FRAS1: variants seen among roughly 807,000 people sequenced by gnomAD.
FRAS1 encodes extracellular matrix organizing protein FRAS1.
FRAS1 carries 290 observed loss-of-function variants against 435.2 expected under a neutral mutation model. The ratio of observed to expected loss-of-function variants is 0.67; its 90% CI spans 0.61 to 0.73. The LOEUF is 0.73. Ranked by LOEUF, FRAS1 falls within the 30% of genes least tolerant of loss-of-function variation. FRAS1 has a pLI of 0.00. For missense variants in FRAS1, 4,860 were observed against 5,001.5 expected (o/e 0.97, Z 0.85); for synonymous variants, 1,800 against 1,851.0 (o/e 0.97, Z 0.71).
chr4:78,368,154 G>A (rs1196770844), intron 22 of FRAS1, among the ~76,000 whole-genome samples: 1 of 148,410 alleles, frequency 6.7e-6, no homozygotes, highest in African/African-American at 2.6e-5. Context: ...CAAAAAAAAA[G>A]GGATAAAAAT....
rs564212960 is a variant in FRAS1, at chr4:78,260,714, A to G, written c.604-4311A>G. Among the ~76,000 whole-genome samples the G allele has an allele frequency of 2.2e-3, 331 of 152,120 alleles. 3 individuals are homozygous for G. Among genetic ancestry groups the G allele is most frequent in the East Asian group, 4.4e-3 (23 of 5,180 alleles). On this transcript the variant is annotated intron_variant, in intron 6 of 73. Coordinates refer to ENST00000512123, the MANE Select transcript of FRAS1 (RefSeq NM_025074.7). ...CTTTATTTCCTTCTCCTGCCTAATT[A>G]CCCTGGCCAGAACTTCCAACACTAT...
At chr4:78,457,985 G>A (rs1409287473) in intron 47 of FRAS1, among the ~76,000 whole-genome samples, 2 of 152,174 alleles carry the variant, frequency 1.3e-5, no homozygotes, top group Non-Finnish European at 1.5e-5. Context: ...TGGAGGGACA[G>A]CATCATGACA....
At chr4:78,346,468 C>T (rs1730608303) in intron 20 of FRAS1, among the ~76,000 whole-genome samples, 1 of 152,120 alleles carries the variant, frequency 6.6e-6, no homozygotes, top group South Asian at 2.1e-4. Flanking sequence ...GCTCTGAATC[C>T]AAGGAGCGCA....
chr4:78,472,418 C>G, intron 52 of FRAS1, 88 bp downstream of exon 52: 1 of 1,220,202 alleles, frequency 8.2e-7, no homozygotes, highest in Non-Finnish European at 1.1e-6. Context: ...CAGCCACTTC[C>G]AGCTACTTAT....
chr4:78,088,979 C>T (rs567317573), intron 2 of FRAS1, among the ~76,000 whole-genome samples: 5 of 152,040 alleles, frequency 3.3e-5, no homozygotes, highest in African/African-American at 9.7e-5. Context: ...CACATGCACA[C>T]GTATGTTTAT....
intron 2 of FRAS1, among the ~76,000 whole-genome samples, chr4:78,174,046 C>T (rs1049134908): frequency 2.0e-5 from 3 of 152,202 alleles, no homozygotes; most frequent in East Asian, 1.9e-4. Flanking sequence ...TCTCCTCTGT[C>T]TCCCGTGTTT....
At chr4:78,266,000 A>G (rs1578215521) in intron 7 of FRAS1, among the ~76,000 whole-genome samples, 1 of 152,188 alleles carries the variant, frequency 6.6e-6, no homozygotes, top group Non-Finnish European at 1.5e-5. Flanking sequence ...TTATATTTTT[A>G]TTGGACAGGA....
At chr4:78,134,481 A>G (rs1457081995) in intron 2 of FRAS1, among the ~76,000 whole-genome samples, 2 of 152,274 alleles carry the variant, frequency 1.3e-5, no homozygotes, top group Admixed American at 1.3e-4. Context: ...TGGTTTCTGG[A>G]AAGTCATTGA....
At chr4:78,261,839 C>G (rs1192319062) in intron 6 of FRAS1, among the ~76,000 whole-genome samples, 1 of 152,136 alleles carries the variant, frequency 6.6e-6, no homozygotes, top group Non-Finnish European at 1.5e-5. Flanking sequence ...TCACATAAAA[C>G]TTAAATAAGT....
chr4:78,293,612 G>A (rs1177875193), intron 14 of FRAS1, among the ~76,000 whole-genome samples: 5 of 152,128 alleles, frequency 3.3e-5, no homozygotes, highest in Admixed American at 6.5e-5. Flanking sequence ...AACTTGGGTC[G>A]TGTCCATGGA....
intron 2 of FRAS1, among the ~76,000 whole-genome samples, chr4:78,199,129 C>A (rs1358905629): frequency 6.6e-6 from 1 of 152,144 alleles, no homozygotes; most frequent in African/African-American, 2.4e-5. Flanking sequence ...TTATGTTCCC[C>A]ACCTCCTGTC....
intron 2 of FRAS1, among the ~76,000 whole-genome samples, chr4:78,185,865 C>G (rs1259478527): frequency 6.6e-6 from 1 of 152,164 alleles, no homozygotes; most frequent in Non-Finnish European, 1.5e-5. Flanking sequence ...ATGTTTCAAT[C>G]AAGGCTTAAT....
chr4:78,289,606 C>T (rs1204589459), intron 14 of FRAS1, among the ~76,000 whole-genome samples: 1 of 152,166 alleles, frequency 6.6e-6, no homozygotes, highest in East Asian at 1.9e-4. Context: ...TCTGCTTTAA[C>T]CCCTATGTGT....
At chr4:78,153,943 TA>T (rs1720775364) in intron 2 of FRAS1, among the ~76,000 whole-genome samples, 1 of 152,190 alleles carries the variant, frequency 6.6e-6, no homozygotes, top group Admixed American at 6.5e-5. Context: ...CCCAACTAGA[TA>T]AAATTCTTTA....
chr4:78,308,265 C>CTTG, intron 15 of FRAS1, 56 bp downstream of exon 15: 1 of 1,564,210 alleles, frequency 6.4e-7, no homozygotes, highest in Non-Finnish European at 8.7e-7. Context: ...TCCAGCATCT[C>CTTG]TTGTTGTATT....
At position 78,180,218 on chromosome 4, in the gene FRAS1, A is replaced by G. The variant is rs1560566395; in HGVS notation, c.109-57292A>G. Among the ~76,000 whole-genome samples, 4 of 150,486 alleles carry G rather than the reference A, an allele frequency of 2.7e-5. No individual in the cohort carries two copies. In the East Asian group the frequency reaches 7.8e-4, roughly 29 times the overall value. On this transcript the variant is annotated intron_variant, in intron 2 of 73. Coordinates refer to ENST00000512123, the MANE Select transcript of FRAS1 (RefSeq NM_025074.7). ...AGCTTTGATCTAGTGGGGGAAGCAG[A>G]TTTTTTTTTTCTTCAAGTACTGATA... is the stretch of plus-strand genomic sequence containing the variant.
intron 69 of FRAS1, among the ~76,000 whole-genome samples, chr4:78,524,403 G>A (rs1319374163): frequency 6.6e-6 from 1 of 152,234 alleles, no homozygotes; most frequent in Non-Finnish European, 1.5e-5. Flanking sequence ...GTTCAGGGAA[G>A]AGAGAGCCAG....
intron 2 of FRAS1, among the ~76,000 whole-genome samples, chr4:78,235,135 A>G (rs1230231534): frequency 1.3e-5 from 2 of 152,148 alleles, no homozygotes; most frequent in East Asian, 1.9e-4. Context: ...TCACTAACTG[A>G]TTGGATGAGT....
chr4:78,189,589 G>A (rs907313703), intron 2 of FRAS1, among the ~76,000 whole-genome samples: 1 of 152,158 alleles, frequency 6.6e-6, no homozygotes, highest in African/African-American at 2.4e-5. Flanking sequence ...AAACTTTTAG[G>A]GATGTAGGCC....
Sources: gnomAD v4.1 joint callset for allele counts (sites outside exome capture counted in the v4.1 genomes callset) on GRCh38, gnomAD v4.1.1 for gene constraint, MANE v1.5 for transcripts, NCBI Gene and HGNC (gene_info 2026-07-23, HGNC 2026-07-21) for gene names.